The following TCF7L2 variants were observed in gnomAD, a reference collection of about 807,000 sequenced individuals.
The protein encoded by TCF7L2 is transcription factor 7 like 2, also known as transcription factor 7-like 2.
Under a neutral mutation model 77.9 loss-of-function variants are expected in TCF7L2, and 23 were observed. That is an observed-to-expected ratio of 0.30 (90% CI 0.21 to 0.42). The LOEUF is 0.42. Among genes scored for constraint, TCF7L2 ranks in the 10% least tolerant of loss-of-function variants. The pLI is 1.00. For synonymous variants in TCF7L2, 413 were observed against 340.2 expected, an observed-to-expected ratio of 1.21 and a Z score of -2.36; for missense variants, 654 against 793.1, an observed-to-expected ratio of 0.82 and a Z score of 2.11.
chr10:113,021,161 G>T (rs1419895237), intron 4 of TCF7L2, among the ~76,000 whole-genome samples: 1 of 152,128 alleles, frequency 6.6e-6, no homozygotes, highest in Non-Finnish European at 1.5e-5. Context: ...TCCTGCCCTC[G>T]TAACCTTCGC....
intron 4 of TCF7L2, among the ~76,000 whole-genome samples, chr10:112,969,721 C>T (rs537632547): frequency 1.3e-5 from 2 of 152,326 alleles, no homozygotes; most frequent in African/African-American, 4.8e-5. Flanking sequence ...GTGATTTGGC[C>T]TTTGGCCCCA....
intron 5 of TCF7L2, among the ~76,000 whole-genome samples, chr10:113,082,710 A>C (rs1388104408): frequency 6.6e-6 from 1 of 152,106 alleles, no homozygotes; most frequent in African/African-American, 2.4e-5. Context: ...GGCCATGTCC[A>C]GAAATCGGGG....
At chr10:113,008,562 A>C (rs2045958950) in intron 4 of TCF7L2, among the ~76,000 whole-genome samples, 1 of 152,164 alleles carries the variant, frequency 6.6e-6, no homozygotes, top group Admixed American at 6.5e-5. Flanking sequence ...GCTATTATTT[A>C]TTTGATGCAT....
chr10:112,991,356 C>T (rs1190347285), intron 4 of TCF7L2, among the ~76,000 whole-genome samples: 2 of 151,858 alleles, frequency 1.3e-5, no homozygotes, highest in African/African-American at 4.8e-5. Flanking sequence ...GATGAAACCC[C>T]GTCTCTATGT....
intron 5 of TCF7L2, among the ~76,000 whole-genome samples, chr10:113,125,288 A>G (rs2065404019): frequency 6.6e-6 from 1 of 152,058 alleles, no homozygotes; most frequent in African/African-American, 2.4e-5. Flanking sequence ...TATGAATAAA[A>G]TCTGGACAGC....
At chr10:112,962,325 AT>A (rs1198669827) in intron 3 of TCF7L2, among the ~76,000 whole-genome samples, 5 of 152,006 alleles carry the variant, frequency 3.3e-5, no homozygotes, top group African/African-American at 4.8e-5. Context: ...AAAGAAGAGA[AT>A]AAAACCAACT....
intron 5 of TCF7L2, among the ~76,000 whole-genome samples, chr10:113,052,904 A>G (rs1207995748): frequency 6.6e-6 from 1 of 152,208 alleles, no homozygotes; most frequent in African/African-American, 2.4e-5. Context: ...GATAACTTCA[A>G]TGTTATCTAA....
chr10:112,956,367 T>TTA (rs753759334), intron 3 of TCF7L2, among the ~76,000 whole-genome samples: 2,162 of 111,828 alleles, frequency 0.019, 56 homozygotes, highest in African/African-American at 0.053. Context: ...TTTTTTTTTT[T>TTA]AAATGCTGGA....
intron 4 of TCF7L2, among the ~76,000 whole-genome samples, chr10:112,993,427 A>G (rs922532714): frequency 3.9e-5 from 6 of 151,908 alleles, no homozygotes; most frequent in Admixed American, 6.5e-5. Flanking sequence ...AATCACTGGA[A>G]CCCAGGAGGT....
At chr10:113,076,353 G>C (rs1284309839) in intron 5 of TCF7L2, among the ~76,000 whole-genome samples, 1 of 152,054 alleles carries the variant, frequency 6.6e-6, no homozygotes, top group African/African-American at 2.4e-5. Context: ...GCCTAGGCTG[G>C]TTTCGAACTC....
chr10:113,088,800 A>C (rs1385112408), intron 5 of TCF7L2, among the ~76,000 whole-genome samples: 1 of 152,016 alleles, frequency 6.6e-6, no homozygotes, highest in Non-Finnish European at 1.5e-5. Context: ...CCACAAAAAA[A>C]TAAAATAAAA....
intron 5 of TCF7L2, among the ~76,000 whole-genome samples, chr10:113,103,177 G>C (rs7909517): frequency 0.03 from 4,519 of 152,180 alleles, 242 homozygotes; most frequent in African/African-American, 0.1. Context: ...TTGTCCAAAC[G>C]AGGCTGCCCA....
chr10:112,994,223 C>T (rs1009599093), intron 4 of TCF7L2, among the ~76,000 whole-genome samples: 1 of 152,154 alleles, frequency 6.6e-6, no homozygotes, highest in Admixed American at 6.5e-5. Context: ...AGAAACCTCC[C>T]TTACCCATTA....
At chr10:113,164,425 C>T (rs1176588718) in intron 13 of TCF7L2, among the ~76,000 whole-genome samples, 1 of 152,120 alleles carries the variant, frequency 6.6e-6, no homozygotes, top group East Asian at 1.9e-4. Context: ...TGCTGCGATT[C>T]CCTGGCACTT....
chr10:113,138,841 A>G (rs2067845927), intron 5 of TCF7L2, among the ~76,000 whole-genome samples: 2 of 152,126 alleles, frequency 1.3e-5, no homozygotes, highest in South Asian at 4.1e-4. Context: ...TCCTGAGCCC[A>G]GACCCACTGT....
intron 4 of TCF7L2, among the ~76,000 whole-genome samples, chr10:113,002,543 G>A (rs1396563783): frequency 6.6e-6 from 1 of 152,044 alleles, no homozygotes; most frequent in South Asian, 2.1e-4. Context: ...GCTGTGTGTG[G>A]GGGTGTGTGT....
At chr10:113,129,866 T>C (rs1487257468) in intron 5 of TCF7L2, 1 of 1,289,970 alleles carries the variant, frequency 7.8e-7, no homozygotes, top group Non-Finnish European at 1.0e-6. Flanking sequence ...AAGGCTGTTA[T>C]GTACCCTAGG....
At chr10:113,051,804 C>G (rs566464638) in intron 5 of TCF7L2, among the ~76,000 whole-genome samples, 2 of 152,254 alleles carry the variant, frequency 1.3e-5, no homozygotes, top group African/African-American at 4.8e-5. Flanking sequence ...TCTTTTCTGG[C>G]TTCTGTTTAA....
At chr10:113,025,497 C>A (rs1355538810) in intron 4 of TCF7L2, among the ~76,000 whole-genome samples, 1 of 151,936 alleles carries the variant, frequency 6.6e-6, no homozygotes, top group Non-Finnish European at 1.5e-5. Context: ...CCTTGGCCTC[C>A]CAGAGTGATG....
Sources: gnomAD v4.1 joint callset for allele counts (sites outside exome capture counted in the v4.1 genomes callset) on GRCh38, gnomAD v4.1.1 for gene constraint, MANE v1.5 for transcripts, NCBI Gene and HGNC (gene_info 2026-07-23, HGNC 2026-07-21) for gene names.